TTC12: variants seen among roughly 807,000 people sequenced by gnomAD.
TTC12 encodes tetratricopeptide repeat protein 12.
Under a neutral mutation model 90.1 loss-of-function variants are expected in TTC12, and 70 were observed. The ratio of observed to expected loss-of-function variants is 0.78; its 90% confidence interval spans 0.64 to 0.95. TTC12 has a LOEUF of 0.95. Among genes scored for constraint, TTC12 ranks in the 40% least tolerant of loss-of-function variants. TTC12 has a pLI of 0.00. For synonymous variants in TTC12, 296 were observed against 311.5 expected, an observed-to-expected ratio of 0.95 and a Z score of 0.53; for missense variants, 819 against 846.1, an observed-to-expected ratio of 0.97 and a Z score of 0.40.
chr11:113,372,811 T>G (rs1950419729), intron 21 of TTC12, among the ~76,000 whole-genome samples: 1 of 152,176 alleles, frequency 6.6e-6, no homozygotes, highest in Admixed American at 6.6e-5. Flanking sequence ...CCAGCCAATG[T>G]TGGGCATCAA....
chr11:113,331,086 A>G (rs2137957125), intron 7 of TTC12, among the ~76,000 whole-genome samples: 1 of 152,320 alleles, frequency 6.6e-6, no homozygotes, highest in Middle Eastern at 3.4e-3. Context: ...GCTTATAATC[A>G]TTCATAAAAC....
At chr11:113,341,499 T>C (rs1948680890) in intron 11 of TTC12, among the ~76,000 whole-genome samples, 1 of 152,208 alleles carries the variant, frequency 6.6e-6, no homozygotes, top group African/African-American at 2.4e-5. Flanking sequence ...ATTTCAGTTG[T>C]TCTGGTGTGC....
rs2137988936 is a variant in TTC12, at chr11:113,339,432, T to A, written c.784T>A (p.Tyr262Asn). Residue 262 changes from tyrosine to asparagine, a missense_variant, in exon 10 of 22, where the codon TAT (tyrosine) becomes AAT (asparagine). Physicochemically the swap from Tyr to Asn is moderately radical, Grantham distance 143 (BLOSUM62 -2). Transcript: ENST00000529221. ...LSKPDQIPLF[Y>N]AGGIEILTEM... Reference sequence around the variant, plus strand: ...CAAGCCTGACCAGATCCCCTTGTTCTATGCTGGGGGGATTGAGATCCTGAC... The same window carrying A: ...CAAGCCTGACCAGATCCCCTTGTTCAATGCTGGGGGGATTGAGATCCTGAC... 1.9e-6 allele frequency: 3 copies of A among 1,613,106 alleles called. No homozygotes were observed. The highest frequency in any genetic ancestry group is 2.2e-5 in the East Asian group (1 of 44,826).
downstream of TTC12, among the ~76,000 whole-genome samples, chr11:113,370,588 T>C (rs1305748432): frequency 6.6e-6 from 1 of 152,260 alleles, no homozygotes; most frequent in East Asian, 1.9e-4. Context: ...CCTGGAGACA[T>C]TCTGCCCTGT....
At chr11:113,352,275 T>C (rs1949342973) in intron 16 of TTC12, 68 bp downstream of exon 16, 1 of 1,602,988 alleles carries the variant, frequency 6.2e-7, no homozygotes, top group Admixed American at 1.7e-5. Flanking sequence ...TTCTTAGTTA[T>C]CTGACTTTTC....
chr11:113,363,736 C>A, intron 19 of TTC12, 92 bp from the exon 20 acceptor site: 1 of 819,562 alleles, frequency 1.2e-6, no homozygotes, highest in Non-Finnish European at 2.0e-6. Context: ...GTTTAGGAAG[C>A]CACTAGCGCT....
Position 113,325,726 on chromosome 11 carries a change from G to C in TTC12, c.444+81G>C, listed in dbSNP as rs1555140869. 3.2e-6 allele frequency: 5 copies of C among 1,562,644 alleles called. No individual in the cohort carries two copies. The Admixed American group carries it at 9.2e-5, about 29-fold the overall frequency. The stretch of plus-strand genomic sequence containing the variant: ...ACTTGGGAAAACAAAGATGAGGCTA[G>C]ATGTTGGGCTGGGAAATGTTTATAA... On this transcript the variant is annotated intron_variant, in intron 6 of 21. Transcript: ENST00000529221.
intron 7 of TTC12, among the ~76,000 whole-genome samples, chr11:113,334,594 C>A (rs1372448659): frequency 6.6e-6 from 1 of 151,454 alleles, no homozygotes; most frequent in Non-Finnish European, 1.5e-5. Context: ...GGGTCTTATC[C>A]CAGAGTATAA....
At chr11:113,358,895 T>A (rs1949767227) in intron 16 of TTC12, among the ~76,000 whole-genome samples, 2 of 152,146 alleles carry the variant, frequency 1.3e-5, no homozygotes, top group South Asian at 4.2e-4. Context: ...TAGGCTTGCA[T>A]GCAGCATTCC....
intron 8 of TTC12, 50 bp from the exon 9 acceptor site, chr11:113,338,724 T>C: frequency 6.8e-7 from 1 of 1,479,342 alleles, no homozygotes; most frequent in Non-Finnish European, 9.4e-7. Context: ...GTCTTTCTCA[T>C]AATCACCTTT....
At chr11:113,366,883 TG>T (rs1478419154), downstream of TTC12, among the ~76,000 whole-genome samples, 1 of 152,310 alleles carries the variant, frequency 6.6e-6, no homozygotes, top group South Asian at 2.1e-4. Context: ...GAATCATTCC[TG>T]GGGGTCCCTC....
chr11:113,317,590 A>T (rs1205612333), intron 2 of TTC12, among the ~76,000 whole-genome samples: 1 of 152,114 alleles, frequency 6.6e-6, no homozygotes, highest in East Asian at 1.9e-4. Flanking sequence ...TGCAAATCTG[A>T]CCCAGACACT....
At chr11:113,324,772 T>G in intron 5 of TTC12, 90 bp downstream of exon 5, 1 of 1,168,574 alleles carries the variant, frequency 8.6e-7, no homozygotes, top group Non-Finnish European at 1.2e-6. Context: ...TGAGGACATC[T>G]AGATTCCCAG....
At chr11:113,331,761 C>T (rs1948080370) in intron 7 of TTC12, among the ~76,000 whole-genome samples, 1 of 152,148 alleles carries the variant, frequency 6.6e-6, no homozygotes, top group Admixed American at 6.5e-5. Flanking sequence ...ACGGTGAAAC[C>T]GAGGCCAAGC....
chr11:113,339,444 A>G lies in TTC12; in HGVS notation c.796A>G (p.Ile266Val). Residue 266 changes from isoleucine (I) to valine (V), a missense_variant, in exon 10 of 22, where the codon ATT (isoleucine) becomes GTT (valine). Physicochemically the swap from Ile to Val is conservative, Grantham distance 29. Transcript: ENST00000529221. ...DQIPLFYAGG[I>V]EILTEMINEC... Reference sequence around the variant, plus strand: ...GATCCCCTTGTTCTATGCTGGGGGGATTGAGATCCTGACTGAAATGATAAA... The same window carrying G: ...GATCCCCTTGTTCTATGCTGGGGGGGTTGAGATCCTGACTGAAATGATAAA... The G allele has an allele frequency of 6.2e-7, 1 of 1,610,854 alleles. No homozygotes were observed. The highest frequency in any genetic ancestry group is 8.5e-7 in the Non-Finnish European group (1 of 1,179,014).
chr11:113,334,963 C>T lies in TTC12; in HGVS notation c.505-3C>T. On this transcript the variant is annotated splice_polypyrimidine_tract_variant and splice_region_variant and intron_variant, in intron 7 of 21. Transcript: ENST00000529221. ...TTCTGATCAGTCATTCTCTTTTATG[C>T]AGTGTGATGAAAAATGCACAAAAGC... The T allele has an allele frequency of 6.2e-7, 1 of 1,612,188 alleles. No individual in the cohort carries two copies. The highest frequency in any genetic ancestry group is 8.5e-7 in the Non-Finnish European group (1 of 1,178,410).
intron 17 of TTC12, 81 bp from the exon 18 acceptor site, chr11:113,359,859 C>T (rs1339243878): frequency 2.4e-5 from 26 of 1,095,654 alleles, no homozygotes; most frequent in South Asian, 4.3e-5. Context: ...AAAAAGGAGA[C>T]GGTGCTCAGA....
intron 4 of TTC12, 90 bp from the exon 5 acceptor site, chr11:113,324,515 G>A: frequency 9.8e-7 from 1 of 1,018,184 alleles, no homozygotes; most frequent in Admixed American, 2.1e-5. Flanking sequence ...CATACGTGTG[G>A]CTCTAAAGTA....
At chr11:113,369,447 G>C (rs932132271), downstream of TTC12, among the ~76,000 whole-genome samples, 2 of 122,436 alleles carry the variant, frequency 1.6e-5, no homozygotes, top group African/African-American at 6.6e-5. Flanking sequence ...TTGTGCCTTT[G>C]CTCTGCACTA....
Sources: gnomAD v4.1 joint callset for allele counts (sites outside exome capture counted in the v4.1 genomes callset) on GRCh38, gnomAD v4.1.1 for gene constraint, MANE v1.5 for transcripts, NCBI Gene and HGNC (gene_info 2026-07-23, HGNC 2026-07-21) for gene names.